Variants in RARB observed in about 807,000 individuals in gnomAD.
RARB encodes retinoic acid receptor beta.
RARB carries 17 observed loss-of-function variants against 51.9 expected under a neutral mutation model. The ratio of observed to expected loss-of-function variants is 0.33; its 90% CI spans 0.22 to 0.49. The LOEUF (loss-of-function observed/expected upper bound fraction) is 0.49. RARB is among the 20% of genes least tolerant of loss of function. The probability of loss-of-function intolerance (pLI) is 0.99; values close to 1 mark genes in which losing one functional copy is unlikely to be tolerated. For missense variants in RARB, 369 were observed against 550.8 expected (o/e 0.67, Z 3.30); for synonymous variants, 215 against 195.4 (o/e 1.10, Z -0.84).
chr3:25,523,827 C>T (rs1698515346), intron 3 of RARB, among the ~76,000 whole-genome samples: 1 of 152,154 alleles, frequency 6.6e-6, no homozygotes, highest in South Asian at 2.1e-4. Flanking sequence ...GCAATTTTTA[C>T]AAACTTTTTC....
chr3:25,277,811 CAAGT>C (rs899928061), intron 5 of RARB, among the ~76,000 whole-genome samples: 7 of 152,158 alleles, frequency 4.6e-5, no homozygotes, highest in Non-Finnish European at 7.3e-5. Flanking sequence ...AGTGAACACA[CAAGT>C]AACTCAAACC....
chr3:25,045,128 G>GA (rs1698187002), intron 2 of RARB, among the ~76,000 whole-genome samples: 1 of 152,174 alleles, frequency 6.6e-6, no homozygotes, highest in Non-Finnish European at 1.5e-5. Context: ...CTGTTTCTAG[G>GA]AAATGACTGG....
intron 4 of RARB, among the ~76,000 whole-genome samples, chr3:25,577,909 G>A (rs1304923447): frequency 6.6e-6 from 1 of 152,244 alleles, no homozygotes; most frequent in East Asian, 1.9e-4. Context: ...AGGCGCTGCA[G>A]CTCCTGTAGC....
At chr3:25,085,583 T>A (rs903162643) in intron 3 of RARB, among the ~76,000 whole-genome samples, 4 of 152,128 alleles carry the variant, frequency 2.6e-5, no homozygotes, top group Non-Finnish European at 5.9e-5. Flanking sequence ...CCAATTCAAT[T>A]CATTTATCTT....
chr3:25,099,175 A>G (rs1294615329), intron 3 of RARB, among the ~76,000 whole-genome samples: 2 of 152,164 alleles, frequency 1.3e-5, no homozygotes, highest in Admixed American at 6.6e-5. Context: ...GGCACTCCCA[A>G]AGCCCTTGGC....
intron 2 of RARB, among the ~76,000 whole-genome samples, chr3:24,910,204 G>T (rs1424113679): frequency 6.6e-6 from 1 of 151,970 alleles, no homozygotes; most frequent in Admixed American, 6.6e-5. Flanking sequence ...TTGAAAAATT[G>T]TTCTTCCTAA....
chr3:25,196,756 A>G (rs527903711), intron 5 of RARB, among the ~76,000 whole-genome samples: 19 of 152,042 alleles, frequency 1.2e-4, no homozygotes, highest in Admixed American at 4.6e-4. Context: ...TTTAATGATC[A>G]CCATTCTAAC....
At chr3:25,557,752 C>G (rs1037467059) in intron 3 of RARB, among the ~76,000 whole-genome samples, 11 of 152,128 alleles carry the variant, frequency 7.2e-5, no homozygotes, top group Admixed American at 6.5e-4. Flanking sequence ...AGTGACTCGT[C>G]TAAACAGCAA....
chr3:25,275,249 C>A (rs1438123184), intron 5 of RARB, among the ~76,000 whole-genome samples: 1 of 152,108 alleles, frequency 6.6e-6, no homozygotes, highest in Admixed American at 6.5e-5. Context: ...ATTGCTTGAG[C>A]CCAGGAGTTC....
chr3:24,993,825 A>G (rs1349824627), intron 2 of RARB, among the ~76,000 whole-genome samples: 1 of 152,172 alleles, frequency 6.6e-6, no homozygotes, highest in Non-Finnish European at 1.5e-5. Flanking sequence ...TTTTGCCACA[A>G]AAGACAGGAT....
intron 1 of RARB, 143 bp downstream of exon 1, chr3:25,429,031 A>T: frequency 9.3e-7 from 1 of 1,078,520 alleles, no homozygotes; most frequent in Non-Finnish European, 1.3e-6. Context: ...ATATGCTGGC[A>T]TGCATATTGA....
At chr3:25,014,706 T>C (rs1358636925) in intron 2 of RARB, among the ~76,000 whole-genome samples, 1 of 152,086 alleles carries the variant, frequency 6.6e-6, no homozygotes, top group Non-Finnish European at 1.5e-5. Context: ...TATCCAGCAG[T>C]AGAGGACTGG....
intron 4 of RARB, among the ~76,000 whole-genome samples, chr3:25,143,970 C>A (rs1016782616): frequency 2.6e-5 from 4 of 152,126 alleles, no homozygotes; most frequent in Admixed American, 6.5e-5. Flanking sequence ...GAGAAATCAA[C>A]CCAGTTCACT....
chr3:25,587,795 G>A (rs964647538), intron 5 of RARB, among the ~76,000 whole-genome samples: 2 of 152,156 alleles, frequency 1.3e-5, no homozygotes, highest in Non-Finnish European at 2.9e-5. Context: ...ATAAATTGTC[G>A]AATCAGATCA....
chr3:25,500,451 C>CTTTTT (rs1553624117), intron 2 of RARB, among the ~76,000 whole-genome samples: 3 of 49,938 alleles, frequency 6.0e-5, no homozygotes, highest in East Asian at 7.8e-4. Context: ...TCTTTCTTTT[C>CTTTTT]TTGTTTTTTT....
In RARB at chr3:25,255,545, C is replaced by T. The variant is rs116138508; in HGVS notation, c.178+80970C>T. Reference sequence around the variant, plus strand: ...CTAGAATCTTTAATCATTATGCACACTGTAAGTGAAAAAATAAAAGCTAAT... The same window carrying T: ...CTAGAATCTTTAATCATTATGCACATTGTAAGTGAAAAAATAAAAGCTAAT... On this transcript the variant is annotated intron_variant, in intron 5 of 11. Coordinates refer to the RARB transcript ENST00000383772. Among the ~76,000 whole-genome samples, 304 of 152,198 alleles carry T rather than the reference C, an allele frequency of 2.0e-3. 1 individual carries two copies. The highest frequency in any genetic ancestry group is 6.5e-3 in the African/African-American group (270 of 41,520).
chr3:25,506,777 T>G (rs772661011), intron 3 of RARB, among the ~76,000 whole-genome samples: 2 of 152,276 alleles, frequency 1.3e-5, no homozygotes, highest in Non-Finnish European at 2.9e-5. Flanking sequence ...AGGCCATGGT[T>G]TGCCAATGTC....
intron 5 of RARB, among the ~76,000 whole-genome samples, chr3:25,278,937 A>G (rs781360374): frequency 2.0e-5 from 3 of 152,180 alleles, no homozygotes; most frequent in Admixed American, 1.3e-4. Flanking sequence ...TAGTCCCTGT[A>G]AGCACAGCAC....
chr3:25,093,503 A>G (rs969879265), intron 3 of RARB, among the ~76,000 whole-genome samples: 2 of 151,808 alleles, frequency 1.3e-5, no homozygotes, highest in Non-Finnish European at 2.9e-5. Context: ...CCTTCCCCCC[A>G]AACTAGAGCA....
Sources: allele counts gnomAD v4.1 joint callset (sites outside exome capture counted in the v4.1 genomes callset), GRCh38; gene constraint gnomAD v4.1.1; transcripts MANE v1.5; gene names NCBI Gene and HGNC (gene_info 2026-07-23, HGNC 2026-07-21).